The following ASTN2 variants were observed in gnomAD, a reference collection of about 807,000 sequenced individuals.
ASTN2 encodes astrotactin-2.
ASTN2 carries 54 observed loss-of-function variants against 139.8 expected under a neutral mutation model. The ratio of observed to expected loss-of-function variants is 0.39; its 90% confidence interval spans 0.31 to 0.48. The LOEUF (loss-of-function observed/expected upper bound fraction) is 0.48. Ranked by LOEUF, ASTN2 falls within the 20% of genes least tolerant of loss-of-function variation. The pLI, the probability that ASTN2 is intolerant of heterozygous loss-of-function variation, is 0.95. For synonymous variants in ASTN2, 756 were observed against 719.5 expected, an observed-to-expected ratio of 1.05 and a Z score of -0.81; for missense variants, 1,565 against 1,725.1, an observed-to-expected ratio of 0.91 and a Z score of 1.64.
At chr9:116,506,031 T>A (rs1850096674) in intron 19 of ASTN2, among the ~76,000 whole-genome samples, 1 of 152,198 alleles carries the variant, frequency 6.6e-6, no homozygotes, top group South Asian at 2.1e-4. Context: ...TAGTACACTT[T>A]GACTCTGTAT....
intron 1 of ASTN2, among the ~76,000 whole-genome samples, chr9:117,310,521 C>T (rs1335710713): frequency 6.6e-6 from 1 of 152,158 alleles, no homozygotes; most frequent in Admixed American, 6.5e-5. Flanking sequence ...TTTAAGTCTT[C>T]CACCTATCTT....
chr9:117,160,004 C>T (rs991802808), intron 3 of ASTN2, among the ~76,000 whole-genome samples: 1 of 151,938 alleles, frequency 6.6e-6, no homozygotes, highest in African/African-American at 2.4e-5. Flanking sequence ...GACATATTCC[C>T]ACAAAGATAT....
chr9:116,674,247 T>C (rs1225193006), intron 16 of ASTN2, among the ~76,000 whole-genome samples: 1 of 152,184 alleles, frequency 6.6e-6, no homozygotes, highest in Non-Finnish European at 1.5e-5. Flanking sequence ...AAATCAATAC[T>C]TGCCAGGTTC....
rs573451317 is a variant in ASTN2 at position 116,935,259 on chromosome 9, C to T, written c.1889+39949G>A. On this transcript the variant is annotated intron_variant, in intron 10 of 22. Transcript: ENST00000313400. Reference sequence around the variant, plus strand: ...ATTTGAGGCTGAGAGAGTCCAGTGACGAGAATATGGGTTTTAAAGTTCTAT... The same window carrying T: ...ATTTGAGGCTGAGAGAGTCCAGTGATGAGAATATGGGTTTTAAAGTTCTAT... Among the ~76,000 whole-genome samples the T allele has an allele frequency of 2.5e-4, 38 of 152,260 alleles. 1 individual carries two copies. The highest frequency in any genetic ancestry group is 1.5e-3 in the South Asian group (7 of 4,826).
rs146518789 is a variant in ASTN2, at chr9:116,516,051, C to T, written c.3356-28551G>A. On this transcript the variant is annotated intron_variant, in intron 19 of 22. Transcript: ENST00000313400. ...CACATTTGAGAAGAACTGATTTAGA[C>T]AACTGTATAATAATTTCCCTTATTT... is the stretch of plus-strand genomic sequence containing the variant. Among the ~76,000 whole-genome samples the T allele has an allele frequency of 4.9e-3, 743 of 152,256 alleles. 2 individuals carry two copies. Among genetic ancestry groups the T allele is most frequent in the Middle Eastern group, 0.02 (6 of 294 alleles).
intron 3 of ASTN2, among the ~76,000 whole-genome samples, chr9:117,168,345 C>T (rs964405158): frequency 2.6e-5 from 4 of 152,148 alleles, no homozygotes; most frequent in Non-Finnish European, 5.9e-5. Flanking sequence ...AGTGTCTTCA[C>T]TTCCACAAGG....
chr9:116,634,589 CAA>C (rs57882262), intron 17 of ASTN2, among the ~76,000 whole-genome samples: 2,688 of 103,564 alleles, frequency 0.026, 26 homozygotes, highest in African/African-American at 0.1. Context: ...GACTCCGTCT[CAA>C]AAAAAAAAAA....
chr9:116,597,388 A>G (rs756320100), intron 19 of ASTN2, among the ~76,000 whole-genome samples: 1 of 136,496 alleles, frequency 7.3e-6, no homozygotes, highest in Non-Finnish European at 1.5e-5. Flanking sequence ...GCTCGCTTCA[A>G]TCTCCACCTC....
intron 20 of ASTN2, among the ~76,000 whole-genome samples, chr9:116,453,175 T>C (rs1368259301): frequency 2.0e-5 from 3 of 152,170 alleles, no homozygotes; most frequent in African/African-American, 7.2e-5. Flanking sequence ...AGCCCTCTGC[T>C]TGGGGTCTAA....
At position 117,316,070 on chromosome 9, in the gene ASTN2, A is replaced by G. The variant is rs77559703; in HGVS notation, c.443-24557T>C. 3.9e-4 allele frequency among the ~76,000 whole-genome samples: 60 copies of G among 152,336 alleles called. 2 individuals carry two copies. The East Asian group carries it at 0.011, about 28-fold the overall frequency. On this transcript the variant is annotated intron_variant, in intron 1 of 22. Coordinates refer to ENST00000313400, the MANE Select transcript of ASTN2 (RefSeq NM_001365068.1). ...AGCCCATCTTGCAGATGAAAAAACTAAAGTGCTCGAAGATTTGACAACCCA... is the reference window on the plus strand; with the variant it reads ...AGCCCATCTTGCAGATGAAAAAACTGAAGTGCTCGAAGATTTGACAACCCA...
chr9:116,701,880 G>GTC (rs1827823999), intron 16 of ASTN2, among the ~76,000 whole-genome samples: 1 of 133,348 alleles, frequency 7.5e-6, no homozygotes, highest in Non-Finnish European at 1.6e-5. Flanking sequence ...AGTTTTTTGG[G>GTC]TTTTTTTTTT....
chr9:117,122,950 C>T (rs1343759923), intron 4 of ASTN2, among the ~76,000 whole-genome samples: 1 of 152,134 alleles, frequency 6.6e-6, no homozygotes, highest in Admixed American at 6.5e-5. Flanking sequence ...CACCAACACA[C>T]ACAGACCAGA....
chr9:116,599,427 G>A (rs898744096), intron 19 of ASTN2, among the ~76,000 whole-genome samples: 2 of 152,220 alleles, frequency 1.3e-5, no homozygotes, highest in African/African-American at 4.8e-5. Flanking sequence ...AAGTAAAGGG[G>A]ATGAATGATT....
At chr9:116,974,672 C>A (rs749989922) in intron 10 of ASTN2, among the ~76,000 whole-genome samples, 26 of 152,116 alleles carry the variant, frequency 1.7e-4, no homozygotes, top group Non-Finnish European at 3.2e-4. Context: ...TCACATCAGG[C>A]TAATTTTTGT....
intron 22 of ASTN2, 30 bp from the exon 23 acceptor site, chr9:116,426,118 A>T: frequency 3.7e-6 from 6 of 1,607,272 alleles, no homozygotes; most frequent in Non-Finnish European, 5.1e-6. Context: ...AGCCATGATT[A>T]AAGAAGTCCA....
intron 7 of ASTN2, among the ~76,000 whole-genome samples, chr9:116,984,014 T>G (rs192385341): frequency 2.6e-5 from 4 of 152,252 alleles, no homozygotes; most frequent in Non-Finnish European, 4.4e-5. Context: ...AAGTTTCTGA[T>G]GTACTTTAAA....
At chr9:116,881,665 G>T (rs556239076) in intron 10 of ASTN2, among the ~76,000 whole-genome samples, 1 of 152,176 alleles carries the variant, frequency 6.6e-6, no homozygotes, top group Non-Finnish European at 1.5e-5. Flanking sequence ...GCCTTTGCAT[G>T]GTTTTGACAG....
intron 10 of ASTN2, among the ~76,000 whole-genome samples, chr9:116,914,604 C>T: frequency 6.7e-6 from 1 of 149,888 alleles, no homozygotes; most frequent in Non-Finnish European, 1.5e-5. Flanking sequence ...ATCTCAATCT[C>T]AGTCTTCATG....
chr9:116,551,043 T>C (rs1354767672), intron 19 of ASTN2: 2 of 152,208 alleles, frequency 1.3e-5, no homozygotes, highest in Non-Finnish European at 2.9e-5. Flanking sequence ...GGGAGACCCT[T>C]GGTGAAAACA....
Sources: gnomAD v4.1 joint callset for allele counts (sites outside exome capture counted in the v4.1 genomes callset) on GRCh38, gnomAD v4.1.1 for gene constraint, MANE v1.5 for transcripts, NCBI Gene and HGNC (gene_info 2026-07-23, HGNC 2026-07-21) for gene names.